Variants in DPP10 observed in about 807,000 individuals in gnomAD.
The protein encoded by DPP10 is inactive dipeptidyl peptidase 10.
A neutral mutation model predicts 120.9 loss-of-function variants in DPP10; 33 were observed. That is an observed-to-expected ratio of 0.27 (90% CI 0.21 to 0.37). DPP10 has a LOEUF of 0.37. Among genes scored for constraint, DPP10 ranks in the 10% least tolerant of loss-of-function variants. The probability of loss-of-function intolerance (pLI) is 1.00; values close to 1 mark genes in which losing one functional copy is unlikely to be tolerated. For missense variants in DPP10, 816 were observed against 942.8 expected (o/e 0.87, Z 1.76); for synonymous variants, 337 against 326.1 (o/e 1.03, Z -0.36).
At chr2:115,373,122 T>A (rs1293583880) in intron 3 of DPP10, among the ~76,000 whole-genome samples, 5 of 152,196 alleles carry the variant, frequency 3.3e-5, no homozygotes, top group Non-Finnish European at 7.3e-5. Flanking sequence ...GGATGGGACA[T>A]CTTAGCTGAA....
Position 115,689,898 on chromosome 2 carries a change from T to A in DPP10, c.553T>A (p.Trp185Arg), listed in dbSNP as rs1297486470. 6.2e-7 allele frequency: 1 copy of A among 1,613,788 alleles called. No homozygotes were observed. Among genetic ancestry groups the A allele is most frequent in the Non-Finnish European group, 8.5e-7 (1 of 1,179,950 alleles). ...VEDSVLQYAA[W>R]GVQGQQLIYI... ...GGACTCCGTCTTGCAGTACGCGGCC[T>A]GGGGTGTCCAAGGGCAGCAGCTGGT... The change falls in exon 7 of 26, where the codon TGG (tryptophan) becomes AGG (arginine). Residue 185 changes from tryptophan to arginine, a missense_variant. Trp to Arg is a moderately radical substitution (Grantham distance 101). Coordinates refer to ENST00000410059, the MANE Select transcript of DPP10 (RefSeq NM_020868.6).
intron 7 of DPP10, among the ~76,000 whole-genome samples, chr2:115,704,905 G>T (rs113295132): frequency 1.1e-3 from 168 of 151,892 alleles, no homozygotes; most frequent in African/African-American, 3.6e-3. Context: ...ATTTCTAAAG[G>T]TTTCTTTTTC....
chr2:114,714,763 T>G (rs1701248978), intron 1 of DPP10, among the ~76,000 whole-genome samples: 2 of 151,716 alleles, frequency 1.3e-5, no homozygotes. Context: ...TCTATGATTG[T>G]TTTTTTTGTT....
chr2:115,163,605 A>G (rs2052603610), intron 1 of DPP10, among the ~76,000 whole-genome samples: 1 of 152,232 alleles, frequency 6.6e-6, no homozygotes, highest in African/African-American at 2.4e-5. Flanking sequence ...AGATATAGAA[A>G]AATAATTTCA....
chr2:114,827,436 C>T (rs1686657287), intron 1 of DPP10, among the ~76,000 whole-genome samples: 1 of 152,030 alleles, frequency 6.6e-6, no homozygotes, highest in South Asian at 2.1e-4. Flanking sequence ...ACTTGTTGAC[C>T]ATGACTCATG....
chr2:114,839,053 A>G (rs1378564649), intron 1 of DPP10, among the ~76,000 whole-genome samples: 2 of 152,164 alleles, frequency 1.3e-5, no homozygotes, highest in Admixed American at 1.3e-4. Flanking sequence ...CTAATTATAG[A>G]ATTTTGACAA....
In DPP10 at chr2:115,225,650, G is replaced by A. The variant is rs575269406; in HGVS notation, c.61-83589G>A. On this transcript the variant is annotated intron_variant, in intron 1 of 25. Transcript: ENST00000410059. The stretch of plus-strand genomic sequence containing the variant: ...AATGAAGTTTCCTAGGGACATACAT[G>A]AATGAATAGAGATGAACATAATAAA... Among the ~76,000 whole-genome samples the A allele has an allele frequency of 2.0e-5, 3 of 151,984 alleles. No individual in the cohort carries two copies. The South Asian group carries it at 6.2e-4, about 32-fold the overall frequency.
intron 1 of DPP10, among the ~76,000 whole-genome samples, chr2:114,984,619 C>A (rs1431796154): frequency 6.6e-6 from 1 of 151,986 alleles, no homozygotes; most frequent in East Asian, 1.9e-4. Flanking sequence ...TAGCAAAAAC[C>A]TGTCTAAATA....
At chr2:114,752,869 GA>G (rs751186039) in intron 1 of DPP10, among the ~76,000 whole-genome samples, 2 of 152,196 alleles carry the variant, frequency 1.3e-5, no homozygotes, top group Non-Finnish European at 2.9e-5. Context: ...CTGAAATGGG[GA>G]AATATGGTAT....
intron 1 of DPP10, among the ~76,000 whole-genome samples, chr2:115,158,427 G>A (rs2052064486): frequency 6.6e-6 from 1 of 152,160 alleles, no homozygotes; most frequent in African/African-American, 2.4e-5. Context: ...TTTTTGAATG[G>A]CTTCAGAAAC....
intron 1 of DPP10, among the ~76,000 whole-genome samples, chr2:114,751,340 C>T (rs570365716): frequency 8.5e-5 from 13 of 152,240 alleles, no homozygotes; most frequent in South Asian, 8.3e-4. Context: ...GCTACCTGAC[C>T]TTTTTACAAT....
chr2:115,795,763 C>T (rs1296371513), intron 19 of DPP10, among the ~76,000 whole-genome samples: 1 of 152,152 alleles, frequency 6.6e-6, no homozygotes, highest in East Asian at 1.9e-4. Context: ...GTTATACACA[C>T]ATTTCATTTC....
intron 1 of DPP10, among the ~76,000 whole-genome samples, chr2:114,453,390 G>A (rs913821735): frequency 6.6e-6 from 1 of 152,006 alleles, no homozygotes. Context: ...TTTTCATTGT[G>A]TTTTCTTTCC....
chr2:115,350,851 T>A (rs2063981044), intron 3 of DPP10, among the ~76,000 whole-genome samples: 1 of 152,078 alleles, frequency 6.6e-6, no homozygotes. Flanking sequence ...CCCAAAGGGT[T>A]TTTTTAAAAA....
intron 1 of DPP10, among the ~76,000 whole-genome samples, chr2:115,258,130 C>A (rs1490201543): frequency 6.6e-6 from 1 of 152,130 alleles, no homozygotes; most frequent in Non-Finnish European, 1.5e-5. Flanking sequence ...AACAAACACA[C>A]TTTCAAGTTA....
chr2:114,633,309 T>C (rs1037623292), intron 1 of DPP10, among the ~76,000 whole-genome samples: 2 of 138,370 alleles, frequency 1.4e-5, no homozygotes, highest in Non-Finnish European at 3.0e-5. Context: ...TGGAGTGCAG[T>C]GGCACGATCT....
chr2:115,089,120 C>G (rs2104547861), intron 1 of DPP10, among the ~76,000 whole-genome samples: 1 of 152,250 alleles, frequency 6.6e-6, no homozygotes, highest in Non-Finnish European at 1.5e-5. Flanking sequence ...CTGATTTCCT[C>G]TTTTCCTTTT....
At chr2:114,583,245 C>T (rs1690686779) in intron 1 of DPP10, among the ~76,000 whole-genome samples, 1 of 152,182 alleles carries the variant, frequency 6.6e-6, no homozygotes, top group African/African-American at 2.4e-5. Context: ...TGCTTATATT[C>T]TGCTAAGTCC....
At chr2:115,408,115 G>A (rs1220600232) in intron 3 of DPP10, among the ~76,000 whole-genome samples, 1 of 152,090 alleles carries the variant, frequency 6.6e-6, no homozygotes, top group Non-Finnish European at 1.5e-5. Flanking sequence ...ATCCATGGGT[G>A]TTAAAGTGGC....
Sources: gnomAD v4.1 joint callset for allele counts (sites outside exome capture counted in the v4.1 genomes callset) on GRCh38, gnomAD v4.1.1 for gene constraint, MANE v1.5 for transcripts, NCBI Gene and HGNC (gene_info 2026-07-23, HGNC 2026-07-21) for gene names.